The following GNAZ variants were observed in gnomAD, a reference collection of about 807,000 sequenced individuals.
GNAZ encodes the protein guanine nucleotide-binding protein G(z) subunit alpha.
Under a neutral mutation model 25.4 loss-of-function variants are expected in GNAZ, and 3 were observed. The observed-to-expected ratio is 0.12, with a 90% CI of 0.05 to 0.30. The LOEUF (loss-of-function observed/expected upper bound fraction) is 0.30, where lower values mean the gene tolerates loss of function less well. GNAZ is among the 10% of genes least tolerant of loss of function. The pLI is 1.00. For missense variants in GNAZ, 241 were observed against 501.8 expected (o/e 0.48, Z 4.97); for synonymous variants, 211 against 205.7 (o/e 1.03, Z -0.22).
At chr22:23,114,192 A>C (rs1030524362) in intron 2 of GNAZ, among the ~76,000 whole-genome samples, 1 of 152,138 alleles carries the variant, frequency 6.6e-6, no homozygotes, top group South Asian at 2.1e-4. Context: ...TGGCCTGTCC[A>C]TGGTGAATGG....
At position 23,121,105 on chromosome 22, in the gene GNAZ, C is replaced by T. The variant is rs114382324; in HGVS notation, c.724-1982C>T. The stretch of plus-strand genomic sequence containing the variant: ...TGGGAATGTGCAGCCAGGTTCACTG[C>T]GGAGGCGCTGGCTCCTCTCTGCTCT... On this transcript the variant is annotated intron_variant, in intron 2 of 2. Coordinates refer to ENST00000615612, the MANE Select transcript of GNAZ (RefSeq NM_002073.4). 9.9e-3 allele frequency among the ~76,000 whole-genome samples: 1,510 copies of T among 152,276 alleles called. 22 individuals carry two copies. The highest frequency in any genetic ancestry group is 0.035 in the African/African-American group (1,440 of 41,548).
At chr22:23,105,051 T>C (rs1340803767) in intron 2 of GNAZ, among the ~76,000 whole-genome samples, 1 of 152,222 alleles carries the variant, frequency 6.6e-6, no homozygotes, top group East Asian at 1.9e-4. Flanking sequence ...CACCTCGTGG[T>C]GGACATGTCC....
intron 2 of GNAZ, 22 bp from the exon 3 acceptor site, chr22:23,123,065 G>A (rs754619376): frequency 1.2e-5 from 18 of 1,541,416 alleles, no homozygotes; most frequent in South Asian, 3.4e-5. Context: ...CCTGATTAAC[G>A]CCAGTACTTT....
intron 2 of GNAZ, among the ~76,000 whole-genome samples, chr22:23,107,664 A>C (rs540761758): frequency 6.6e-6 from 1 of 152,186 alleles, no homozygotes; most frequent in Non-Finnish European, 1.5e-5. Context: ...AAGCACCGGA[A>C]CCCACCAAGG....
chr22:23,098,319 T>C (rs964489071), intron 2 of GNAZ, among the ~76,000 whole-genome samples: 3 of 152,226 alleles, frequency 2.0e-5, no homozygotes, highest in African/African-American at 7.2e-5. Flanking sequence ...TGGGAGGCCT[T>C]TTCTGACCTA....
At chr22:23,121,218 C>G (rs2070016340) in intron 2 of GNAZ, among the ~76,000 whole-genome samples, 2 of 152,204 alleles carry the variant, frequency 1.3e-5, no homozygotes, top group Non-Finnish European at 2.9e-5. Flanking sequence ...CTCCTCAGGA[C>G]TCCTGTTATT....
At chr22:23,076,216 C>T (rs2068503422) in intron 1 of GNAZ, among the ~76,000 whole-genome samples, 2 of 152,170 alleles carry the variant, frequency 1.3e-5, no homozygotes, top group Admixed American at 1.3e-4. Context: ...CTATTTTTTT[C>T]CCCTTAGCAC....
intron 2 of GNAZ, among the ~76,000 whole-genome samples, chr22:23,101,808 G>C (rs1387811129): frequency 5.3e-5 from 8 of 152,204 alleles, no homozygotes; most frequent in Non-Finnish European, 5.9e-5. Context: ...CCATGGCAGT[G>C]CAGCTTGAGA....
intron 1 of GNAZ, among the ~76,000 whole-genome samples, chr22:23,088,917 A>T (rs1270659653): frequency 1.3e-5 from 2 of 152,228 alleles, no homozygotes; most frequent in African/African-American, 4.8e-5. Context: ...ATTGGGCCTC[A>T]GGCATGACTG....
chr22:23,094,955 G>A (rs927970546), intron 1 of GNAZ, among the ~76,000 whole-genome samples: 9 of 152,242 alleles, frequency 5.9e-5, no homozygotes, highest in Admixed American at 5.2e-4. Flanking sequence ...AACTGGATGC[G>A]GTAGAAGTGA....
chr22:23,118,637 A>G lies in GNAZ; in HGVS notation c.724-4450A>G, dbSNP rs146845142. ...CTTGGGCCCCATATGTGAAGTGAGG[A>G]GCCCTCCCCCTTGCCATGGGGTCAT... is the stretch of plus-strand genomic sequence containing the variant. On this transcript the variant is annotated intron_variant, in intron 2 of 2. Coordinates refer to ENST00000615612, the MANE Select transcript of GNAZ (RefSeq NM_002073.4). 1.9e-3 allele frequency among the ~76,000 whole-genome samples: 284 copies of G among 152,302 alleles called. 1 individual carries two copies. The highest frequency in any genetic ancestry group is 5.1e-3 in the African/African-American group (212 of 41,562).
chr22:23,093,856 C>G (rs922022394), intron 1 of GNAZ, among the ~76,000 whole-genome samples: 9 of 152,174 alleles, frequency 5.9e-5, no homozygotes, highest in African/African-American at 2.2e-4. Flanking sequence ...GAGGCCACCA[C>G]CACTGCCAGG....
At chr22:23,105,521 G>A (rs1191373065) in intron 2 of GNAZ, among the ~76,000 whole-genome samples, 4 of 152,228 alleles carry the variant, frequency 2.6e-5, no homozygotes, top group Non-Finnish European at 5.9e-5. Context: ...CAGTGCCAGC[G>A]GCTAGGAGTG....
intron 2 of GNAZ, among the ~76,000 whole-genome samples, chr22:23,108,908 G>A (rs748249188): frequency 1.2e-4 from 19 of 152,234 alleles, no homozygotes; most frequent in Non-Finnish European, 1.5e-4. Context: ...TTCGAGGCAG[G>A]AGACATGCTG....
chr22:23,091,618 G>A (rs925837349), intron 1 of GNAZ, among the ~76,000 whole-genome samples: 35 of 135,774 alleles, frequency 2.6e-4, no homozygotes, highest in African/African-American at 9.6e-4. Context: ...ACACGCATAT[G>A]CACCGCAATG....
At chr22:23,103,111 G>A (rs533228095) in intron 2 of GNAZ, among the ~76,000 whole-genome samples, 1 of 152,302 alleles carries the variant, frequency 6.6e-6, no homozygotes, top group East Asian at 1.9e-4. Context: ...CTCCCTCTCT[G>A]CATGCCAGGG....
At chr22:23,100,410 A>C (rs1028173653) in intron 2 of GNAZ, among the ~76,000 whole-genome samples, 7 of 152,232 alleles carry the variant, frequency 4.6e-5, no homozygotes, top group Non-Finnish European at 1.0e-4. Flanking sequence ...TCTGCCACTT[A>C]TCTGAGAGAC....
At chr22:23,115,951 G>A (rs998714977) in intron 2 of GNAZ, among the ~76,000 whole-genome samples, 1 of 152,238 alleles carries the variant, frequency 6.6e-6, no homozygotes, top group Non-Finnish European at 1.5e-5. Flanking sequence ...ACAAGGCAGT[G>A]CGGTTGGCTG....
At chr22:23,093,951 C>A (rs142799048) in intron 1 of GNAZ, among the ~76,000 whole-genome samples, 66 of 152,284 alleles carry the variant, frequency 4.3e-4, no homozygotes, top group African/African-American at 1.6e-3. Flanking sequence ...TGGTCAAGGT[C>A]TGTGAGGGGC....
Sources: allele counts gnomAD v4.1 joint callset (sites outside exome capture counted in the v4.1 genomes callset), GRCh38; gene constraint gnomAD v4.1.1; transcripts MANE v1.5; gene names NCBI Gene and HGNC (gene_info 2026-07-23, HGNC 2026-07-21).